CD53: variants seen among roughly 807,000 people sequenced by gnomAD.
CD53 encodes the protein CD53 molecule.
Under a neutral mutation model 27.3 loss-of-function variants are expected in CD53, and 20 were observed. The ratio of observed to expected loss-of-function variants is 0.73; its 90% CI spans 0.52 to 1.07. The LOEUF is 1.07. Among genes scored for constraint, CD53 ranks in the 50% least tolerant of loss-of-function variants. The pLI, the probability that CD53 is intolerant of heterozygous loss-of-function variation, is 0.00. For missense variants in CD53, 216 were observed against 264.0 expected, an observed-to-expected ratio of 0.82 and a Z score of 1.26; for synonymous variants, 106 against 105.3, an observed-to-expected ratio of 1.01 and a Z score of -0.04.
chr1:110,876,838 C>T (rs1052191907), intron 1 of CD53, among the ~76,000 whole-genome samples: 2 of 151,980 alleles, frequency 1.3e-5, no homozygotes, highest in African/African-American at 4.8e-5. Flanking sequence ...TTTCTAAATC[C>T]TTTTCACCCA....
rs1213705189 is a variant in CD53 at position 110,895,061 on chromosome 1, T to C, written c.423+6T>C. 6.3e-7 allele frequency: 1 copy of C among 1,598,418 alleles called. No individual in the cohort carries two copies. Among genetic ancestry groups the C allele is most frequent in the Admixed American group, 1.7e-5 (1 of 59,980 alleles). On this transcript the variant is annotated splice_donor_region_variant and intron_variant, in intron 5 of 7. Transcript: ENST00000271324. ...GGGACTCCATCCAGTCATTTGTGAGTACAGGTGGAATCCTCTTCAGATCAG... is the reference window on the plus strand; with the variant it reads ...GGGACTCCATCCAGTCATTTGTGAGCACAGGTGGAATCCTCTTCAGATCAG...
At chr1:110,891,931 T>G (rs1656870718) in intron 2 of CD53, among the ~76,000 whole-genome samples, 4 of 152,228 alleles carry the variant, frequency 2.6e-5, no homozygotes, top group African/African-American at 7.2e-5. Context: ...TATGAGAAGA[T>G]TATTATAAGT....
At chr1:110,891,531 T>G in intron 2 of CD53, 60 bp downstream of exon 2, 3 of 1,308,866 alleles carry the variant, frequency 2.3e-6, no homozygotes, top group Non-Finnish European at 2.2e-6. Flanking sequence ...GCTCTCCTCA[T>G]TCCTCTACTG....
intron 5 of CD53, 49 bp from the exon 6 acceptor site, chr1:110,896,604 T>G: frequency 6.4e-7 from 1 of 1,566,586 alleles, no homozygotes. Context: ...ACAGCTTTTT[T>G]TCACTGTTGA....
chr1:110,896,176 T>C (rs1329053939), intron 5 of CD53, among the ~76,000 whole-genome samples: 1 of 152,234 alleles, frequency 6.6e-6, no homozygotes, highest in African/African-American at 2.4e-5. Flanking sequence ...GGCTAGTTGC[T>C]TCCTCGAGTA....
At chr1:110,890,438 A>G (rs1265638672) in intron 1 of CD53, among the ~76,000 whole-genome samples, 1 of 152,090 alleles carries the variant, frequency 6.6e-6, no homozygotes, top group Non-Finnish European at 1.5e-5. Context: ...ATGATGGTGC[A>G]TGCCTTTAGT....
intron 3 of CD53, among the ~76,000 whole-genome samples, chr1:110,893,764 TG>T: frequency 6.6e-6 from 1 of 152,318 alleles, no homozygotes; most frequent in Non-Finnish European, 1.5e-5. Context: ...TCAAAATTAA[TG>T]TTGGGGTAAA....
chr1:110,894,382 T>C lies in CD53; in HGVS notation c.308T>C (p.Leu103Pro). 1 of 1,613,864 alleles carries C rather than the reference T, an allele frequency of 6.2e-7. No homozygotes were observed. Among genetic ancestry groups the C allele is most frequent in the South Asian group, 1.1e-5 (1 of 91,082 alleles). The part of the protein sequence containing the change: ...LLAEVTLAIL[L>P]FVYEQKLNEY... Reference sequence around the variant, plus strand: ...GCTGAGGTGACCTTGGCCATCCTGCTCTTTGTATATGAACAGAAGGTAAGT... The same window carrying C: ...GCTGAGGTGACCTTGGCCATCCTGCCCTTTGTATATGAACAGAAGGTAAGT... The change falls in exon 4 of 8, where the codon CTC (leucine) becomes CCC (proline). Residue 103 changes from leucine to proline, a missense_variant. Coordinates refer to ENST00000271324, the MANE Select transcript of CD53 (RefSeq NM_000560.4).
At chr1:110,876,750 CATTT>C (rs1656145783) in intron 1 of CD53, among the ~76,000 whole-genome samples, 1 of 152,002 alleles carries the variant, frequency 6.6e-6, no homozygotes, top group Non-Finnish European at 1.5e-5. Flanking sequence ...TCCCTTAGAT[CATTT>C]ATTTATTTCC....
intron 1 of CD53, among the ~76,000 whole-genome samples, chr1:110,886,869 AT>A (rs71575170): frequency 1.7e-4 from 14 of 82,774 alleles, no homozygotes; most frequent in South Asian, 8.5e-4. Flanking sequence ...ATATATATAT[AT>A]TTTTTTTTTC....
intron 1 of CD53, among the ~76,000 whole-genome samples, chr1:110,888,613 A>G (rs1209253621): frequency 6.6e-6 from 1 of 152,188 alleles, no homozygotes; most frequent in Non-Finnish European, 1.5e-5. Context: ...TCCCAAATAT[A>G]TGATTTTATA....
At chr1:110,872,399 A>G (rs1001713270), upstream of CD53, among the ~76,000 whole-genome samples, 1 of 152,216 alleles carries the variant, frequency 6.6e-6, no homozygotes, top group Non-Finnish European at 1.5e-5. Flanking sequence ...ATGTAACAGT[A>G]ACCAGTAGGA....
intron 1 of CD53, among the ~76,000 whole-genome samples, chr1:110,879,862 C>A (rs564452253): frequency 1.3e-5 from 2 of 152,144 alleles, no homozygotes; most frequent in Non-Finnish European, 2.9e-5. Context: ...GCCACCATGG[C>A]GAGCCTGATC....
Position 110,873,199 on chromosome 1 carries a change from G to A in CD53, c.-67G>A, listed in dbSNP as rs918844554. On this transcript the variant is annotated 5_prime_UTR_variant, in exon 1 of 8. Transcript: ENST00000271324. ...CCAGCCTTGTCTCGGCCACCTCAAG[G>A]ATAATCACTAAATTCTGCCGAAAGG... 9 of 152,658 alleles carry A rather than the reference G, an allele frequency of 5.9e-5. No individual in the cohort carries two copies. Among genetic ancestry groups the A allele is most frequent in the African/African-American group, 2.2e-4 (9 of 41,530 alleles). The allele number at this position is 152,658 out of a possible 1,614,324, so 9.5% of individuals were successfully genotyped here.
At chr1:110,897,734 T>A (rs1657126305) in intron 6 of CD53, 75 bp from the exon 7 acceptor site, 2 of 886,768 alleles carry the variant, frequency 2.3e-6, no homozygotes, top group African/African-American at 1.7e-5. Flanking sequence ...TGCAAAGCAC[T>A]GTATCTTCCA....
upstream of CD53, among the ~76,000 whole-genome samples, chr1:110,872,254 T>C (rs1655989491): frequency 6.6e-6 from 1 of 152,224 alleles, no homozygotes; most frequent in African/African-American, 2.4e-5. Context: ...TCAAAATATA[T>C]TGATCACAGT....
intron 5 of CD53, among the ~76,000 whole-genome samples, chr1:110,895,258 C>T (rs1363271867): frequency 2.0e-5 from 3 of 152,190 alleles, no homozygotes; most frequent in Non-Finnish European, 4.4e-5. Context: ...TCTCTTTCAT[C>T]CTTTTCTAAC....
At chr1:110,886,869 A>ATATATATATTTTTTT (rs1298376721) in intron 1 of CD53, among the ~76,000 whole-genome samples, 3 of 82,798 alleles carry the variant, frequency 3.6e-5, no homozygotes, top group African/African-American at 1.1e-4. Context: ...ATATATATAT[A>ATATATATATTTTTTT]TTTTTTTTTT....
chr1:110,896,632 T>G (rs1459632294), intron 5 of CD53, 21 bp from the exon 6 acceptor site: 3 of 1,607,890 alleles, frequency 1.9e-6, no homozygotes, highest in African/African-American at 1.3e-5. Context: ...ACCATCATCA[T>G]TTTGGGGGTT....
Sources: gnomAD v4.1 joint callset for allele counts (sites outside exome capture counted in the v4.1 genomes callset) on GRCh38, gnomAD v4.1.1 for gene constraint, MANE v1.5 for transcripts, NCBI Gene and HGNC (gene_info 2026-07-23, HGNC 2026-07-21) for gene names.